Variants in ZFHX3 observed in about 807,000 individuals in gnomAD.
ZFHX3 encodes zinc finger homeobox protein 3.
A neutral mutation model predicts 279.1 loss-of-function variants in ZFHX3; 42 were observed. The ratio of observed to expected loss-of-function variants is 0.15; its 90% CI spans 0.12 to 0.19. The LOEUF (loss-of-function observed/expected upper bound fraction) is 0.19. ZFHX3 is among the 10% of genes least tolerant of loss of function. The pLI is 1.00. For missense variants in ZFHX3, 4,981 were observed against 4,754.0 expected (o/e 1.05, Z -1.40); for synonymous variants, 2,293 against 1,957.8 (o/e 1.17, Z -4.52).
At chr16:73,476,102 C>A (rs118101708) in intron 2 of ZFHX3, among the ~76,000 whole-genome samples, 1 of 152,052 alleles carries the variant, frequency 6.6e-6, no homozygotes, top group African/African-American at 2.4e-5. Context: ...ATAGGGATAA[C>A]GTTCATTGTT....
intron 6 of ZFHX3, among the ~76,000 whole-genome samples, chr16:73,140,920 G>C (rs1369205225): frequency 6.6e-6 from 1 of 152,140 alleles, no homozygotes; most frequent in Non-Finnish European, 1.5e-5. Context: ...ACTCCCCAAG[G>C]CATCATTTGG....
chr16:73,880,352 G>A (rs571225195), intron 1 of ZFHX3, among the ~76,000 whole-genome samples: 4,464 of 152,144 alleles, frequency 0.029, 186 homozygotes, highest in African/African-American at 0.095. Flanking sequence ...ATAATAAACT[G>A]AAAAATAGGT....
intron 8 of ZFHX3, among the ~76,000 whole-genome samples, chr16:73,072,727 G>C (rs1036327616): frequency 1.3e-5 from 2 of 152,110 alleles, no homozygotes; most frequent in African/African-American, 4.8e-5. Context: ...ACCATGCCAG[G>C]CTAATTTGTT....
intron 3 of ZFHX3, among the ~76,000 whole-genome samples, chr16:73,372,904 C>G (rs1043295324): frequency 1.3e-5 from 2 of 152,176 alleles, no homozygotes; most frequent in Admixed American, 1.3e-4. Context: ...CCCTCGCATG[C>G]AGACACCTTC....
chr16:73,490,511 A>T (rs1292762886), intron 2 of ZFHX3, among the ~76,000 whole-genome samples: 1 of 152,200 alleles, frequency 6.6e-6, no homozygotes. Context: ...CCTTTCACTG[A>T]CGCAACCCCA....
chr16:73,846,932 GT>G (rs542527819), intron 1 of ZFHX3, among the ~76,000 whole-genome samples: 1,554 of 151,612 alleles, frequency 0.01, 34 homozygotes, highest in Non-Finnish European at 0.012. Context: ...TTTTTAAATA[GT>G]TTTTTTTTCT....
intron 3 of ZFHX3, among the ~76,000 whole-genome samples, chr16:72,900,925 T>A (rs1408388577): frequency 6.6e-6 from 1 of 152,200 alleles, no homozygotes; most frequent in African/African-American, 2.4e-5. Context: ...AGACCAAAAA[T>A]CTCTGCACTT....
At chr16:73,212,821 C>G (rs2012067979) in intron 5 of ZFHX3, among the ~76,000 whole-genome samples, 1 of 152,234 alleles carries the variant, frequency 6.6e-6, no homozygotes, top group African/African-American at 2.4e-5. Flanking sequence ...GGGTCACCCT[C>G]TATCAGCTGG....
chr16:73,857,932 C>T (rs995060515), intron 1 of ZFHX3, among the ~76,000 whole-genome samples: 1 of 151,922 alleles, frequency 6.6e-6, no homozygotes, highest in Non-Finnish European at 1.5e-5. Flanking sequence ...CATGGTGAAA[C>T]CGAAGATACA....
At chr16:73,068,740 G>A (rs1394679828) in intron 8 of ZFHX3, among the ~76,000 whole-genome samples, 3 of 152,242 alleles carry the variant, frequency 2.0e-5, no homozygotes, top group Non-Finnish European at 4.4e-5. Flanking sequence ...AGGAAATCCA[G>A]TAGACAGGGA....
At chr16:73,809,178 G>T (rs538492092) in intron 1 of ZFHX3, 1 of 152,322 alleles carries the variant, frequency 6.6e-6, no homozygotes, top group African/African-American at 2.4e-5. Flanking sequence ...TGCAGGTAGA[G>T]TTCCTGGGAG....
In ZFHX3 at chr16:72,793,106, A is replaced by G. The variant is rs2035768896; in HGVS notation, c.9427+149T>C. On this transcript the variant is annotated intron_variant, in intron 9 of 9. Coordinates refer to ENST00000268489, the MANE Select transcript of ZFHX3 (RefSeq NM_006885.4). The surrounding 1 kb of genome is among the most constrained non-coding windows in gnomAD (Gnocchi z 4.3). The stretch of plus-strand genomic sequence containing the variant: ...ACCAGTACTTGGGAGACTCAACAGG[A>G]ACGAACTGAAGTCTTGTTGCTTTTA... 7.1e-7 allele frequency: 1 copy of G among 1,413,058 alleles called. No individual in the cohort carries two copies. The highest frequency in any genetic ancestry group is 9.5e-7 in the Non-Finnish European group (1 of 1,057,404). 87.5% of individuals were successfully genotyped at this position (1,413,058 alleles called of 1,614,324 possible).
intron 3 of ZFHX3, among the ~76,000 whole-genome samples, chr16:72,934,645 G>C (rs1025505364): frequency 2.0e-5 from 3 of 151,964 alleles, no homozygotes; most frequent in African/African-American, 7.3e-5. Context: ...TAACCAGTTG[G>C]GTGTGGCTGC....
chr16:73,459,977 C>T (rs1003949720), intron 2 of ZFHX3, among the ~76,000 whole-genome samples: 1 of 152,152 alleles, frequency 6.6e-6, no homozygotes, highest in African/African-American at 2.4e-5. Flanking sequence ...GACACAAGGC[C>T]TAACCATATC....
At chr16:72,806,313 A>G (rs1029352833) in intron 7 of ZFHX3, among the ~76,000 whole-genome samples, 5 of 152,232 alleles carry the variant, frequency 3.3e-5, no homozygotes, top group African/African-American at 1.2e-4. Flanking sequence ...GATGAGAAAG[A>G]TTGAAAAGGT....
intron 1 of ZFHX3, among the ~76,000 whole-genome samples, chr16:73,751,288 G>C (rs998958345): frequency 1.3e-5 from 2 of 152,154 alleles, no homozygotes; most frequent in African/African-American, 2.4e-5. Flanking sequence ...TTGGCACTGA[G>C]TACAATGTTT....
intron 7 of ZFHX3, among the ~76,000 whole-genome samples, chr16:73,121,197 T>C (rs1966494372): frequency 6.6e-6 from 1 of 152,340 alleles, no homozygotes; most frequent in African/African-American, 2.4e-5. Context: ...TACATTTTAC[T>C]TTAACAATTG....
Position 72,787,087 on chromosome 16 carries a change from T to G in ZFHX3, c.*77A>C. 5.6e-6 allele frequency: 7 copies of G among 1,244,658 alleles called. No homozygotes were observed. Among genetic ancestry groups the G allele is most frequent in the African/African-American group, 1.5e-5 (1 of 64,636 alleles). 77.1% of individuals were successfully genotyped at this position (1,244,658 alleles called of 1,614,324 possible). A position where few individuals can be genotyped will look rare whatever the true frequency, so the allele number is the denominator to read the frequency against. On this transcript the variant is annotated 3_prime_UTR_variant, in exon 10 of 10. Coordinates refer to ENST00000268489, the MANE Select transcript of ZFHX3 (RefSeq NM_006885.4). ...TTGGTTAGAAGCTTTGGAATTGCAG[T>G]TAGTCTATTTTTGAAATTGGTTTGT...
intron 5 of ZFHX3, among the ~76,000 whole-genome samples, chr16:73,186,956 G>C (rs1967923942): frequency 6.6e-6 from 1 of 152,146 alleles, no homozygotes; most frequent in Admixed American, 6.5e-5. Flanking sequence ...AACTATTTCA[G>C]GGCTTAGAAG....
Sources: allele counts gnomAD v4.1 joint callset (sites outside exome capture counted in the v4.1 genomes callset), GRCh38; gene constraint gnomAD v4.1.1; non-coding constraint Gnocchi (gnomAD v3.1); transcripts MANE v1.5; gene names NCBI Gene and HGNC (gene_info 2026-07-23, HGNC 2026-07-21).